The following MTFR1L variants were observed in gnomAD, a reference collection of about 807,000 sequenced individuals.
MTFR1L encodes mitochondrial fission regulator 1 like, also known as mitochondrial fission regulator 1-like.
MTFR1L carries 10 observed loss-of-function variants against 27.9 expected under a neutral mutation model. The observed-to-expected ratio is 0.36, with a 90% confidence interval of 0.22 to 0.61. MTFR1L has a LOEUF of 0.61. Among genes scored for constraint, MTFR1L ranks in the 20% least tolerant of loss-of-function variants. The probability of loss-of-function intolerance (pLI) is 0.73; values close to 1 mark genes in which losing one functional copy is unlikely to be tolerated. For synonymous variants in MTFR1L, 151 were observed against 139.4 expected (o/e 1.08, Z -0.58); for missense variants, 315 against 363.7 (o/e 0.87, Z 1.09).
intron 2 of MTFR1L, 123 bp downstream of exon 2, chr1:25,823,251 G>A (rs1006602390): frequency 2.9e-6 from 3 of 1,021,526 alleles, no homozygotes; most frequent in Non-Finnish European, 4.7e-6. Flanking sequence ...CCTGGAATTG[G>A]AGCAAGGCCA....
At chr1:25,825,204 A>T (rs1443213116) in intron 3 of MTFR1L, among the ~76,000 whole-genome samples, 1 of 152,190 alleles carries the variant, frequency 6.6e-6, no homozygotes, top group Non-Finnish European at 1.5e-5. Flanking sequence ...CATCTACCAT[A>T]CCAAATAATT....
Position 25,820,013 on chromosome 1 carries a change from G to T in MTFR1L, c.-103G>T. 2.8e-6 allele frequency: 1 copy of T among 351,906 alleles called. No individual in the cohort carries two copies. The highest frequency in any genetic ancestry group is 5.5e-6 in the Non-Finnish European group (1 of 182,202). 21.8% of individuals were successfully genotyped at this position (351,906 alleles called of 1,614,324 possible). A position where few individuals can be genotyped will look rare whatever the true frequency, so the allele number is the denominator to read the frequency against. The stretch of plus-strand genomic sequence containing the variant: ...GAGGGGCCGTGAGGTGAGAGAGTCC[G>T]GGAGCCCGAGCTTGAGGTGAGAAAG... On this transcript the variant is annotated 5_prime_UTR_variant, in exon 1 of 7. Transcript: ENST00000374303.
rs368242661 is a variant in MTFR1L, at chr1:25,821,112, A to G, written c.-87+1083A>G. On this transcript the variant is annotated intron_variant, in intron 1 of 6. Transcript: ENST00000374303. ...CCTTGGTGCTCAGTGAATGTGGTCT[A>G]GAGACGGCAGAGAAAGATGGGTTTG... 30 of 234,102 alleles carry G rather than the reference A, an allele frequency of 1.3e-4. No homozygotes were observed. In the South Asian group the frequency reaches 1.3e-3, roughly 10 times the overall value. The allele number at this position is 234,102 out of a possible 1,614,324, so 14.5% of individuals were successfully genotyped here.
At chr1:25,823,859 T>G in intron 3 of MTFR1L, 111 bp downstream of exon 3, 1 of 1,299,392 alleles carries the variant, frequency 7.7e-7, no homozygotes, top group Non-Finnish European at 1.0e-6. Context: ...TTTCATTCTG[T>G]TATGAAATAT....
chr1:25,820,710 C>A (rs2048077575), intron 1 of MTFR1L: 1 of 434,158 alleles, frequency 2.3e-6, no homozygotes, highest in African/African-American at 2.1e-5. Flanking sequence ...ATCTTCTAGC[C>A]AGTGACACTT....
At chr1:25,831,767 C>T in intron 6 of MTFR1L, 154 bp from the exon 7 acceptor site, 1 of 744,632 alleles carries the variant, frequency 1.3e-6, no homozygotes, top group South Asian at 1.7e-5. Context: ...CTTGTATAAC[C>T]TTTCTGTGCT....
chr1:25,829,750 C>G lies in MTFR1L; in HGVS notation c.693C>G (p.Val231=). 6.2e-7 allele frequency: 1 copy of G among 1,613,182 alleles called. No individual in the cohort carries two copies. Among genetic ancestry groups the G allele is most frequent in the Non-Finnish European group, 8.5e-7 (1 of 1,180,046 alleles). The stretch of plus-strand genomic sequence containing the variant: ...GTTCGTCTGAAGAGGATGACTGCGT[C>G]TCTTTGTCCAAGGCCAGCAGCTTTG... ...ACSSSEEDDC[V]SLSKASSFAD... The change falls in exon 6 of 7, where the codon GTC becomes GTG. Residue 231 remains valine (V), a synonymous_variant. Transcript: ENST00000374303.
At chr1:25,820,856 C>T (rs761313124) in intron 1 of MTFR1L, 7 of 379,880 alleles carry the variant, frequency 1.8e-5, no homozygotes, top group African/African-American at 6.8e-5. Context: ...CGCGAGGACT[C>T]CGAGGGACAG....
rs577431803 is a variant in MTFR1L, at chr1:25,827,056, G to T, written c.451+230G>T. Among the ~76,000 whole-genome samples, 3 of 152,228 alleles carry T rather than the reference G, an allele frequency of 2.0e-5. No homozygotes were observed. The East Asian group carries it at 5.8e-4, about 29-fold the overall frequency. ...AACAAAATATTAACCTGTGACCCCA[G>T]GCAGAGTCCCTCCCTTAGCCCCCAA... On this transcript the variant is annotated intron_variant, in intron 5 of 6. Transcript: ENST00000374303.
chr1:25,826,764 A>G lies in MTFR1L; in HGVS notation c.389A>G (p.Glu130Gly). The change falls in exon 5 of 7, where the codon GAG becomes GGG. Residue 130 changes from glutamate (E) to glycine (G), a missense_variant. Physicochemically the swap from Glu to Gly is moderately conservative, Grantham distance 98 (BLOSUM62 -2). Transcript: ENST00000374303. The surrounding 1 kb of genome is among the most constrained non-coding windows in gnomAD (Gnocchi z 4.1). ...PALPALSRTT[E>G]LQDELSHLRS... ...CTGCCAGCCCTAAGCCGCACTACTG[A>G]GCTGCAGGACGAGCTGAGCCACTTG... The G allele has an allele frequency of 6.2e-7, 1 of 1,614,100 alleles. No individual in the cohort carries two copies. Among genetic ancestry groups the G allele is most frequent in the Non-Finnish European group, 8.5e-7 (1 of 1,180,042 alleles).
At chr1:25,823,562 C>T (rs2048127760) in intron 2 of MTFR1L, 82 bp from the exon 3 acceptor site, 1 of 1,558,648 alleles carries the variant, frequency 6.4e-7, no homozygotes. Flanking sequence ...ATTCAGTCTC[C>T]ACAAACCTAG....
At chr1:25,821,280 G>C (rs970660230) in intron 1 of MTFR1L, among the ~76,000 whole-genome samples, 1 of 152,250 alleles carries the variant, frequency 6.6e-6, no homozygotes, top group Non-Finnish European at 1.5e-5. Context: ...GGTAAGGTCG[G>C]AGAGGAAGTG....
chr1:25,823,111 G>A lies in MTFR1L; in HGVS notation c.7G>A (p.Gly3Arg). 6.2e-7 allele frequency: 1 copy of A among 1,614,218 alleles called. No individual in the cohort carries two copies. The highest frequency in any genetic ancestry group is 8.5e-7 in the Non-Finnish European group (1 of 1,180,038). The change falls in exon 2 of 7, where the codon GGA (glycine) becomes AGA (arginine). Residue 3 changes from glycine (G) to arginine (R), a missense_variant. Physicochemically the swap from Gly to Arg is moderately radical, Grantham distance 125. Coordinates refer to ENST00000374303, the MANE Select transcript of MTFR1L (RefSeq NM_001099625.2). ...AGTGCAGGAGCTGGTTCAAATGTCA[G>A]GAATGGAAGCCACTGTGGTAAGGGG... MS[G>R]MEATVTIPIW...
chr1:25,827,630 G>A (rs908716129), intron 5 of MTFR1L, among the ~76,000 whole-genome samples: 3 of 151,860 alleles, frequency 2.0e-5, no homozygotes, highest in East Asian at 3.9e-4. Context: ...TAGTAGAGAC[G>A]GGGTTTTGCC....
intron 1 of MTFR1L, among the ~76,000 whole-genome samples, chr1:25,821,247 T>G (rs1264894751): frequency 6.6e-6 from 1 of 152,198 alleles, no homozygotes. Context: ...TGTGTGAGGG[T>G]TAGGCCCGGC....
chr1:25,827,140 T>C (rs1456875707), intron 5 of MTFR1L, among the ~76,000 whole-genome samples: 1 of 150,188 alleles, frequency 6.7e-6, no homozygotes, highest in African/African-American at 2.4e-5. Flanking sequence ...CACAGTAGCT[T>C]TTTTTTTTTC....
Position 25,826,568 on chromosome 1 carries a change from A to G in MTFR1L, c.240-47A>G. Reference sequence around the variant, plus strand: ...GTGGGGGAAGGAACCTTAGGAGCACAGTGGCCTGCTGTCTCTAACTGATCT... The same window carrying G: ...GTGGGGGAAGGAACCTTAGGAGCACGGTGGCCTGCTGTCTCTAACTGATCT... On this transcript the variant is annotated intron_variant, in intron 4 of 6. Coordinates refer to ENST00000374303, the MANE Select transcript of MTFR1L (RefSeq NM_001099625.2). The surrounding 1 kb of genome is among the most constrained non-coding windows in gnomAD (Gnocchi z 4.1). The G allele has an allele frequency of 6.2e-7, 1 of 1,609,338 alleles. No homozygotes were observed. Among genetic ancestry groups the G allele is most frequent in the Non-Finnish European group, 8.5e-7 (1 of 1,175,848 alleles).
At position 25,826,085 on chromosome 1, in the gene MTFR1L, T is replaced by C. The variant is rs555488040; in HGVS notation, c.130-217T>C. ...CTTGGTCTCAAGCATTCTGCCTGCC[T>C]CGGCCTCCCAAATGCTGGGATTACA... On this transcript the variant is annotated intron_variant, in intron 3 of 6. Transcript: ENST00000374303. The surrounding 1 kb of genome is among the most constrained non-coding windows in gnomAD (Gnocchi z 4.1). 8.9e-5 allele frequency: 45 copies of C among 503,780 alleles called. No homozygotes were observed. The South Asian group carries it at 9.9e-4, about 11-fold the overall frequency. 31.2% of individuals were successfully genotyped at this position (503,780 alleles called of 1,614,324 possible).
At chr1:25,828,402 G>A (rs747980626) in intron 5 of MTFR1L, among the ~76,000 whole-genome samples, 35 of 152,138 alleles carry the variant, frequency 2.3e-4, no homozygotes, top group Non-Finnish European at 4.7e-4. Flanking sequence ...GGCCAACATG[G>A]TGAAACCCTG....
Sources: gnomAD v4.1 joint callset for allele counts (sites outside exome capture counted in the v4.1 genomes callset) on GRCh38, gnomAD v4.1.1 for gene constraint, Gnocchi (gnomAD v3.1) non-coding constraint, MANE v1.5 for transcripts, NCBI Gene and HGNC (gene_info 2026-07-23, HGNC 2026-07-21) for gene names.